The following AGBL4 variants were observed in gnomAD, a reference collection of about 807,000 sequenced individuals.
AGBL4 encodes cytosolic carboxypeptidase 6.
A neutral mutation model predicts 66.4 loss-of-function variants in AGBL4; 58 were observed. The observed-to-expected ratio is 0.87, with a 90% CI of 0.71 to 1.09. The LOEUF is 1.09. Ranked by LOEUF, AGBL4 falls within the 50% of genes least tolerant of loss-of-function variation. AGBL4 has a pLI of 0.00. For synonymous variants in AGBL4, 234 were observed against 222.9 expected (o/e 1.05, Z -0.44); for missense variants, 579 against 631.0 (o/e 0.92, Z 0.88).
intron 6 of AGBL4, among the ~76,000 whole-genome samples, chr1:48,752,996 C>G (rs945248929): frequency 1.3e-5 from 2 of 152,206 alleles, no homozygotes; most frequent in African/African-American, 4.8e-5. Flanking sequence ...GATCCGCCTG[C>G]CTCGGCCTCC....
chr1:48,760,724 A>T (rs1274374703), intron 6 of AGBL4, among the ~76,000 whole-genome samples: 1 of 152,138 alleles, frequency 6.6e-6, no homozygotes, highest in Non-Finnish European at 1.5e-5. Context: ...TGCAGAAGAC[A>T]TCCCACTTCC....
At chr1:48,626,020 T>C (rs1645496618) in intron 9 of AGBL4, among the ~76,000 whole-genome samples, 1 of 152,228 alleles carries the variant, frequency 6.6e-6, no homozygotes, top group Non-Finnish European at 1.5e-5. Flanking sequence ...AAGCACCCTA[T>C]GTTCTCAGAG....
At chr1:49,238,567 C>T (rs763849197) in intron 4 of AGBL4, among the ~76,000 whole-genome samples, 1 of 152,164 alleles carries the variant, frequency 6.6e-6, no homozygotes, top group Non-Finnish European at 1.5e-5. Flanking sequence ...AACGAAAGTC[C>T]TGTTTCTTAT....
chr1:49,790,193 C>T (rs1644560027), intron 2 of AGBL4, among the ~76,000 whole-genome samples: 2 of 151,740 alleles, frequency 1.3e-5, no homozygotes, highest in Admixed American at 1.3e-4. Context: ...CCTGCCCTCA[C>T]CCCCTACTAA....
intron 1 of AGBL4, among the ~76,000 whole-genome samples, chr1:49,874,088 A>C (rs933735048): frequency 2.6e-5 from 4 of 152,102 alleles, no homozygotes; most frequent in Non-Finnish European, 5.9e-5. Flanking sequence ...AGCTCCAACA[A>C]AGCTGCAATG....
chr1:49,749,724 A>G (rs932318511), intron 2 of AGBL4, among the ~76,000 whole-genome samples: 16 of 152,314 alleles, frequency 1.1e-4, no homozygotes, highest in African/African-American at 3.6e-4. Flanking sequence ...CTTCTACATT[A>G]AAAACTACAA....
At chr1:49,226,216 A>G (rs1157987178) in intron 4 of AGBL4, among the ~76,000 whole-genome samples, 1 of 152,240 alleles carries the variant, frequency 6.6e-6, no homozygotes, top group Non-Finnish European at 1.5e-5. Context: ...GCCTTAATGC[A>G]TAGTGAGATC....
chr1:49,813,049 G>C (rs1645138059), intron 2 of AGBL4, among the ~76,000 whole-genome samples: 1 of 152,120 alleles, frequency 6.6e-6, no homozygotes, highest in Admixed American at 6.6e-5. Context: ...CAGGCTAAGG[G>C]AGAATCACAG....
intron 3 of AGBL4, chr1:49,268,409 AACACACACAC>A (rs66639251): frequency 0.025 from 3,306 of 132,986 alleles, 83 homozygotes; most frequent in Middle Eastern, 0.056. Context: ...TTTTTTTTTA[AACACACACAC>A]ACACACACAC....
intron 5 of AGBL4, among the ~76,000 whole-genome samples, chr1:49,031,756 C>T (rs1184440545): frequency 6.6e-6 from 1 of 152,046 alleles, no homozygotes; most frequent in Non-Finnish European, 1.5e-5. Flanking sequence ...TCAGTTCCTT[C>T]TATAAAGACC....
chr1:49,852,768 G>C (rs966472433), intron 1 of AGBL4, among the ~76,000 whole-genome samples: 14 of 151,982 alleles, frequency 9.2e-5, no homozygotes, highest in African/African-American at 3.1e-4. Flanking sequence ...ATTTGTGTAG[G>C]GGCTTGTGTC....
intron 3 of AGBL4, among the ~76,000 whole-genome samples, chr1:49,541,694 G>GT (rs1339924664): frequency 1.3e-5 from 2 of 152,198 alleles, no homozygotes; most frequent in African/African-American, 4.8e-5. Flanking sequence ...TCCACCCAAG[G>GT]GCTGAGGAGT....
chr1:48,719,565 G>T (rs545922486), intron 6 of AGBL4, among the ~76,000 whole-genome samples: 1 of 152,252 alleles, frequency 6.6e-6, no homozygotes, highest in East Asian at 1.9e-4. Context: ...TGGAACCAAG[G>T]CCCTCCATGA....
intron 5 of AGBL4, among the ~76,000 whole-genome samples, chr1:48,974,673 A>G (rs1659175391): frequency 6.6e-6 from 1 of 152,160 alleles, no homozygotes; most frequent in Non-Finnish European, 1.5e-5. Context: ...CGAGTGAAGT[A>G]ATTGGATGAA....
At chr1:49,973,550 C>G (rs1658309721) in intron 1 of AGBL4, among the ~76,000 whole-genome samples, 1 of 149,146 alleles carries the variant, frequency 6.7e-6, no homozygotes, top group South Asian at 2.1e-4. Flanking sequence ...TACTTGATTT[C>G]TCTATTTTAC....
intron 2 of AGBL4, among the ~76,000 whole-genome samples, chr1:49,780,907 C>A (rs1379725360): frequency 1.3e-5 from 2 of 152,112 alleles, no homozygotes; most frequent in African/African-American, 4.8e-5. Flanking sequence ...ATAATCCAAT[C>A]AAAAGGCAGA....
At chr1:49,723,800 C>A (rs1205826909) in intron 2 of AGBL4, among the ~76,000 whole-genome samples, 1 of 152,074 alleles carries the variant, frequency 6.6e-6, no homozygotes, top group East Asian at 1.9e-4. Flanking sequence ...TAACACTCAC[C>A]AACCCATGTA....
At position 48,766,387 on chromosome 1, in the gene AGBL4, T is replaced by C. The variant is rs191402280; in HGVS notation, c.634+100804A>G. Among the ~76,000 whole-genome samples, 605 of 152,264 alleles carry C rather than the reference T, an allele frequency of 4.0e-3. 1 individual carries two copies. The highest frequency in any genetic ancestry group is 0.014 in the African/African-American group (569 of 41,550). On this transcript the variant is annotated intron_variant, in intron 6 of 13. Transcript: ENST00000371839. ...AGAGCCAGAATAAATACTGAATGAATGAGTGAATGACAGCTACAGTTGAGG... is the reference window on the plus strand; with the variant it reads ...AGAGCCAGAATAAATACTGAATGAACGAGTGAATGACAGCTACAGTTGAGG...
rs963992759 is a variant in AGBL4, at chr1:49,341,778, C to A, written c.283-95914G>T. 3.3e-5 allele frequency among the ~76,000 whole-genome samples: 5 copies of A among 152,258 alleles called. No individual in the cohort carries two copies. The South Asian group carries it at 8.3e-4, about 25-fold the overall frequency. On this transcript the variant is annotated intron_variant, in intron 3 of 13. Transcript: ENST00000371839. ...GATCCCTTCATGACTGACAAGAAGC[C>A]ACCTGAACTTCGGATTCAGCGTTCA...
Sources: allele counts gnomAD v4.1 joint callset (sites outside exome capture counted in the v4.1 genomes callset), GRCh38; gene constraint gnomAD v4.1.1; transcripts MANE v1.5; gene names NCBI Gene and HGNC (gene_info 2026-07-23, HGNC 2026-07-21).